ANKRD31: variants seen among roughly 807,000 people sequenced by gnomAD.
ANKRD31 encodes the protein ankyrin repeat domain 31.
In ANKRD31, 147 loss-of-function variants were observed where a neutral mutation model predicts 186.0. The ratio of observed to expected loss-of-function variants is 0.79; its 90% CI spans 0.69 to 0.91. ANKRD31 has a LOEUF of 0.91. Among genes scored for constraint, ANKRD31 ranks in the 40% least tolerant of loss-of-function variants. ANKRD31 has a pLI of 0.00. For missense variants in ANKRD31, 1,986 were observed against 2,148.8 expected (o/e 0.92, Z 1.50); for synonymous variants, 673 against 736.4 (o/e 0.91, Z 1.39).
At chr5:75,077,781 T>A (rs183602810) in intron 25 of ANKRD31, among the ~76,000 whole-genome samples, 2 of 151,642 alleles carry the variant, frequency 1.3e-5, no homozygotes, top group East Asian at 3.9e-4. Flanking sequence ...AAAAATTAGC[T>A]GGGCGTGGTG....
At chr5:75,091,120 A>G in intron 23 of ANKRD31, 141 bp downstream of exon 23, 1 of 851,522 alleles carries the variant, frequency 1.2e-6, no homozygotes, top group Non-Finnish European at 1.7e-6. Flanking sequence ...CATGATATGC[A>G]TACAGCATAT....
intron 10 of ANKRD31, among the ~76,000 whole-genome samples, chr5:75,170,258 CTG>C (rs1753220480): frequency 6.6e-6 from 1 of 152,064 alleles, no homozygotes; most frequent in South Asian, 2.1e-4. Flanking sequence ...TCAAAGATAA[CTG>C]TGAAACATTA....
At chr5:75,131,172 C>G (rs1749776264) in intron 17 of ANKRD31, among the ~76,000 whole-genome samples, 1 of 152,170 alleles carries the variant, frequency 6.6e-6, no homozygotes, top group Non-Finnish European at 1.5e-5. Context: ...TCCACACCTC[C>G]CCATGAGAAG....
intron 3 of ANKRD31, among the ~76,000 whole-genome samples, chr5:75,213,401 A>G: frequency 6.6e-6 from 1 of 152,200 alleles, no homozygotes; most frequent in Non-Finnish European, 1.5e-5. Flanking sequence ...TTGGCCTCCA[A>G]AAGTGCAAAA....
rs74471017 is a variant in ANKRD31, at chr5:75,184,322, C to A, written c.1564+4171G>T. ...AGAAGAAAACATAGGAAAAATGCTTCATGACACTAGGCAATACTTTTTTAG... is the reference window on the plus strand; with the variant it reads ...AGAAGAAAACATAGGAAAAATGCTTAATGACACTAGGCAATACTTTTTTAG... On this transcript the variant is annotated intron_variant, in intron 10 of 25. Transcript: ENST00000506364. Among the ~76,000 whole-genome samples, 1,272 of 152,208 alleles carry A rather than the reference C, an allele frequency of 8.4e-3. 30 individuals are homozygous for A. Among genetic ancestry groups the A allele is most frequent in the African/African-American group, 0.028 (1,181 of 41,546 alleles).
chr5:75,231,413 G>A (rs1348203382), intron 1 of ANKRD31, among the ~76,000 whole-genome samples: 2 of 151,918 alleles, frequency 1.3e-5, no homozygotes, highest in African/African-American at 4.8e-5. Flanking sequence ...TTCTTACTAT[G>A]TTCAAGGGAA....
chr5:75,099,543 T>C (rs1034996691), intron 22 of ANKRD31, among the ~76,000 whole-genome samples: 2 of 152,248 alleles, frequency 1.3e-5, no homozygotes, highest in Non-Finnish European at 2.9e-5. Context: ...AGAACTCAGC[T>C]GTGAATCCAT....
chr5:75,236,777 G>C lies in ANKRD31; in HGVS notation c.-91C>G, dbSNP rs1758299986. ...CGCTTTGAGGGCCAGGGGAAATTGT[G>C]AATTAAAAATAAAAATAATATAATC... On this transcript the variant is annotated 5_prime_UTR_variant, in exon 1 of 26. Coordinates refer to ENST00000506364, the MANE Select transcript of ANKRD31 (RefSeq NM_001372053.1). 1.0e-6 allele frequency: 1 copy of C among 996,494 alleles called. No homozygotes were observed. Among genetic ancestry groups the C allele is most frequent in the Non-Finnish European group, 1.4e-6 (1 of 693,154 alleles). 61.7% of individuals were successfully genotyped at this position (996,494 alleles called of 1,614,324 possible).
At chr5:75,166,664 A>ATAGCT (rs1450689202) in intron 11 of ANKRD31, among the ~76,000 whole-genome samples, 1 of 152,196 alleles carries the variant, frequency 6.6e-6, no homozygotes, top group Non-Finnish European at 1.5e-5. Flanking sequence ...TAAAGTTTTG[A>ATAGCT]TAGCTTATTT....
intron 2 of ANKRD31, among the ~76,000 whole-genome samples, chr5:75,224,910 T>C (rs1327116817): frequency 6.6e-6 from 1 of 152,148 alleles, no homozygotes; most frequent in Non-Finnish European, 1.5e-5. Context: ...CTATCTTTAA[T>C]ATAGAAAATG....
At position 75,146,996 on chromosome 5, in the gene ANKRD31, G is replaced by A. The variant is rs1369162657; in HGVS notation, c.2415C>T (p.Ser805=). The change falls in exon 14 of 26, where the codon TCC becomes TCT. Residue 805 remains serine, a synonymous_variant. Coordinates refer to ENST00000506364, the MANE Select transcript of ANKRD31 (RefSeq NM_001372053.1). ...LDSSTEACSV[S]KEKHIQNLDL... ...CCAGGTTCTGGATGTGTTTCTCTTT[G>A]GAAACTGAACAAGCCTCAGTACTGC... is the stretch of plus-strand genomic sequence containing the variant. The A allele has an allele frequency of 1.3e-6, 2 of 1,536,278 alleles. No homozygotes were observed. Among genetic ancestry groups the A allele is most frequent in the East Asian group, 4.9e-5 (2 of 40,874 alleles).
intron 3 of ANKRD31, among the ~76,000 whole-genome samples, chr5:75,216,306 C>T (rs1221692924): frequency 6.6e-6 from 1 of 152,124 alleles, no homozygotes; most frequent in African/African-American, 2.4e-5. Flanking sequence ...CCAGGTTCCA[C>T]CCAAGTATGG....
intron 10 of ANKRD31, among the ~76,000 whole-genome samples, chr5:75,186,978 G>A (rs1419544684): frequency 6.6e-6 from 1 of 151,752 alleles, no homozygotes; most frequent in South Asian, 2.1e-4. Context: ...CACGATAGAG[G>A]TCATATAGCT....
chr5:75,072,417 G>A (rs1744309410), intron 25 of ANKRD31, among the ~76,000 whole-genome samples: 2 of 152,014 alleles, frequency 1.3e-5, no homozygotes, highest in Admixed American at 1.3e-4. Flanking sequence ...GATGGCTAGA[G>A]ATTCATAGCT....
chr5:75,073,426 G>A (rs931722365), intron 25 of ANKRD31, among the ~76,000 whole-genome samples: 16 of 152,128 alleles, frequency 1.1e-4, no homozygotes, highest in African/African-American at 3.9e-4. Context: ...TTTACACAGA[G>A]AAGATCACCA....
chr5:75,228,756 C>T (rs992113343), intron 2 of ANKRD31, among the ~76,000 whole-genome samples: 5 of 151,888 alleles, frequency 3.3e-5, no homozygotes, highest in African/African-American at 1.2e-4. Context: ...AAAGATTTAT[C>T]CATTTGGAAA....
At chr5:75,110,337 CTG>C (rs1168243739) in intron 20 of ANKRD31, among the ~76,000 whole-genome samples, 1 of 152,056 alleles carries the variant, frequency 6.6e-6, no homozygotes, top group East Asian at 1.9e-4. Flanking sequence ...GAGTAAATAA[CTG>C]TATTACATAA....
At chr5:75,115,520 G>A (rs1460655292) in intron 19 of ANKRD31, among the ~76,000 whole-genome samples, 2 of 150,184 alleles carry the variant, frequency 1.3e-5, no homozygotes, top group Admixed American at 6.6e-5. Flanking sequence ...CTGACAAAGG[G>A]CTAATATCCA....
At chr5:75,081,107 T>C (rs1317533487) in intron 24 of ANKRD31, among the ~76,000 whole-genome samples, 2 of 152,208 alleles carry the variant, frequency 1.3e-5, no homozygotes, top group African/African-American at 4.8e-5. Context: ...CAAAACCAGC[T>C]ACAGAAGAAT....
Sources: allele counts gnomAD v4.1 joint callset (sites outside exome capture counted in the v4.1 genomes callset), GRCh38; gene constraint gnomAD v4.1.1; transcripts MANE v1.5; gene names NCBI Gene and HGNC (gene_info 2026-07-23, HGNC 2026-07-21).